The following MSR1 variants were observed in gnomAD, a reference collection of about 807,000 sequenced individuals.
MSR1 encodes macrophage scavenger receptor types I and II.
Under a neutral mutation model 47.2 loss-of-function variants are expected in MSR1, and 53 were observed. The observed-to-expected ratio is 1.12, with a 90% CI of 0.90 to 1.41. MSR1 has a LOEUF of 1.41. Among genes scored for constraint, MSR1 ranks in the 40% most tolerant of loss-of-function variants. The pLI is 0.00. For synonymous variants in MSR1, 239 were observed against 185.6 expected (o/e 1.29, Z -2.34); for missense variants, 786 against 546.9 (o/e 1.44, Z -4.36).
chr8:16,121,909 T>C (rs1413202349), intron 8 of MSR1, among the ~76,000 whole-genome samples: 1 of 152,026 alleles, frequency 6.6e-6, no homozygotes, highest in Non-Finnish European at 1.5e-5. Context: ...TTAAAGTTAC[T>C]AGATTACTGT....
intron 8 of MSR1, among the ~76,000 whole-genome samples, chr8:16,135,841 C>G (rs1457500300): frequency 2.0e-5 from 3 of 151,948 alleles, no homozygotes; most frequent in Non-Finnish European, 4.4e-5. Context: ...GTGAGGGGTT[C>G]AAGACTTTAA....
intron 1 of MSR1, among the ~76,000 whole-genome samples, chr8:16,180,147 CTTCT>C (rs1010240693): frequency 1.3e-5 from 2 of 151,606 alleles, no homozygotes; most frequent in African/African-American, 4.8e-5. Flanking sequence ...CTCTCTCTCC[CTTCT>C]TTCTCTCTCT....
intron 3 of MSR1, among the ~76,000 whole-genome samples, chr8:16,173,045 T>G (rs1801532983): frequency 6.6e-6 from 1 of 152,214 alleles, no homozygotes; most frequent in Admixed American, 6.5e-5. Context: ...TAATACATAA[T>G]AAACATAGTG....
At chr8:16,190,112 G>C (rs967187300) in intron 1 of MSR1, among the ~76,000 whole-genome samples, 24 of 151,528 alleles carry the variant, frequency 1.6e-4, no homozygotes, top group Admixed American at 1.6e-3. Context: ...TCATCCAGCT[G>C]GTCTCAAACT....
chr8:16,175,300 T>C lies in MSR1; in HGVS notation c.104A>G (p.Asn35Ser). Residue 35 changes from asparagine to serine, a missense_variant and splice_region_variant, in exon 3 of 10, where the codon AAT (asparagine) becomes AGT (serine). Coordinates refer to ENST00000262101, the MANE Select transcript of MSR1 (RefSeq NM_138715.3). ...ARSMTALLPP[N>S]PKNSPSLQEK... The stretch of plus-strand genomic sequence containing the variant: ...TTGAAGGGAAGGGCTGTTTTTAGGA[T>C]CTAATAAAACAAAAAAGCCCAGCCT... 1 of 1,612,752 alleles carries C rather than the reference T, an allele frequency of 6.2e-7. No individual in the cohort carries two copies. The highest frequency in any genetic ancestry group is 1.1e-5 in the South Asian group (1 of 91,062).
At chr8:16,166,369 G>C (rs1249801307) in intron 4 of MSR1, among the ~76,000 whole-genome samples, 1 of 150,834 alleles carries the variant, frequency 6.6e-6, no homozygotes. Flanking sequence ...CACTATGTTG[G>C]CCAGACTGGT....
intron 6 of MSR1, 94 bp from the exon 7 acceptor site, chr8:16,150,405 G>A: frequency 3.8e-6 from 2 of 525,222 alleles, no homozygotes; most frequent in South Asian, 3.1e-5. Context: ...AAGTGAATAT[G>A]AAATTAGAGA....
chr8:16,139,392 C>G, intron 8 of MSR1: 1 of 916,910 alleles, frequency 1.1e-6, no homozygotes, highest in Non-Finnish European at 1.3e-6. Context: ...CTCACAACAA[C>G]CCTGTGAGGT....
At chr8:16,119,658 T>C (rs1375149776) in intron 9 of MSR1, among the ~76,000 whole-genome samples, 2 of 152,118 alleles carry the variant, frequency 1.3e-5, no homozygotes, top group Non-Finnish European at 2.9e-5. Flanking sequence ...TAGCACTTGG[T>C]AATATCTTCT....
intron 1 of MSR1, among the ~76,000 whole-genome samples, chr8:16,191,620 T>G (rs1802201849): frequency 6.6e-6 from 1 of 152,084 alleles, no homozygotes; most frequent in Non-Finnish European, 1.5e-5. Context: ...AACTGAAATG[T>G]GTAAGTAACT....
At chr8:16,129,082 T>C (rs1800195020) in intron 8 of MSR1, among the ~76,000 whole-genome samples, 1 of 152,150 alleles carries the variant, frequency 6.6e-6, no homozygotes, top group African/African-American at 2.4e-5. Context: ...TTGCTGTAAA[T>C]CATATGAAGT....
At chr8:16,118,951 C>T (rs1799937382) in intron 9 of MSR1, among the ~76,000 whole-genome samples, 7 of 152,128 alleles carry the variant, frequency 4.6e-5, no homozygotes, top group Admixed American at 4.6e-4. Flanking sequence ...CCACACTTTT[C>T]AACCTGGGAA....
chr8:16,187,198 C>A (rs141955576), intron 1 of MSR1, among the ~76,000 whole-genome samples: 1 of 151,344 alleles, frequency 6.6e-6, no homozygotes, highest in African/African-American at 2.4e-5. Flanking sequence ...CCTGTCTCTA[C>A]TAAAAATACA....
Position 16,168,522 on chromosome 8 carries a change from T to C in MSR1, c.566A>G (p.Asp189Gly). The C allele has an allele frequency of 1.9e-6, 3 of 1,614,174 alleles. No homozygotes were observed. The highest frequency in any genetic ancestry group is 1.7e-6 in the Non-Finnish European group (2 of 1,180,010). ...SLISLNTTLLDLQLNIENLNG... is the reference protein window; with the variant it reads ...SLISLNTTLLGLQLNIENLNG... The stretch of plus-strand genomic sequence containing the variant: ...CAGATTTTCTATGTTGAGCTGCAAA[T>C]CAAGCAATGTGGTATTCAAACTTAT... Residue 189 changes from aspartate (D) to glycine (G), a missense_variant, in exon 4 of 10, where the codon GAT (aspartate) becomes GGT (glycine). Coordinates refer to ENST00000262101, the MANE Select transcript of MSR1 (RefSeq NM_138715.3).
intron 9 of MSR1, among the ~76,000 whole-genome samples, chr8:16,115,406 G>A (rs1375058513): frequency 6.6e-6 from 1 of 151,972 alleles, no homozygotes; most frequent in African/African-American, 2.4e-5. Flanking sequence ...GTGAATTTAA[G>A]GTGGAGGAGT....
chr8:16,129,721 C>T (rs1241328647), intron 8 of MSR1, among the ~76,000 whole-genome samples: 1 of 152,020 alleles, frequency 6.6e-6, no homozygotes, highest in Non-Finnish European at 1.5e-5. Flanking sequence ...GCACTCCAGC[C>T]TGGGTCACAG....
chr8:16,177,329 G>A (rs438721), intron 2 of MSR1, among the ~76,000 whole-genome samples: 2 of 151,818 alleles, frequency 1.3e-5, no homozygotes, highest in African/African-American at 4.8e-5. Flanking sequence ...AATAGCTACA[G>A]AGAGAAGACC....
intron 3 of MSR1, among the ~76,000 whole-genome samples, chr8:16,171,655 G>A (rs1162011010): frequency 6.6e-6 from 1 of 152,130 alleles, no homozygotes; most frequent in Non-Finnish European, 1.5e-5. Context: ...GAACAATTGG[G>A]AATGGAATTT....
intron 2 of MSR1, among the ~76,000 whole-genome samples, chr8:16,176,512 GA>G (rs201669327): frequency 0.16 from 14,649 of 93,790 alleles, 740 homozygotes; most frequent in Middle Eastern, 0.26. Flanking sequence ...GTCTCAAAAA[GA>G]AAAAAAAAAA....
Sources: allele counts gnomAD v4.1 joint callset (sites outside exome capture counted in the v4.1 genomes callset), GRCh38; gene constraint gnomAD v4.1.1; transcripts MANE v1.5; gene names NCBI Gene and HGNC (gene_info 2026-07-23, HGNC 2026-07-21).